POU2F1: variants seen among roughly 807,000 people sequenced by gnomAD.
POU2F1 encodes the protein POU domain, class 2, transcription factor 1.
In POU2F1, 16 loss-of-function variants were observed where a neutral mutation model predicts 84.9. The ratio of observed to expected loss-of-function variants is 0.19; its 90% CI spans 0.13 to 0.29. The LOEUF is 0.29. Among genes scored for constraint, POU2F1 ranks in the 10% least tolerant of loss-of-function variants. POU2F1 has a pLI of 1.00. For synonymous variants in POU2F1, 368 were observed against 368.3 expected (o/e 1.00, Z 0.01); for missense variants, 738 against 942.6 (o/e 0.78, Z 2.84).
intron 1 of POU2F1, among the ~76,000 whole-genome samples, chr1:167,323,652 A>C (rs1223199727): frequency 1.3e-5 from 2 of 152,142 alleles, no homozygotes. Flanking sequence ...TGTGCTCCCA[A>C]TACTGTTCAT....
intron 1 of POU2F1, chr1:167,257,696 A>G (rs565280168): frequency 6.6e-6 from 1 of 152,318 alleles, no homozygotes; most frequent in South Asian, 2.1e-4. Context: ...ATAATGGCCA[A>G]CATTTAATGA....
intron 2 of POU2F1, among the ~76,000 whole-genome samples, chr1:167,345,175 A>G (rs1309957508): frequency 6.6e-6 from 1 of 152,158 alleles, no homozygotes; most frequent in Admixed American, 6.5e-5. Context: ...AAAGTAAAAT[A>G]AATAAATAAG....
At chr1:167,328,362 G>A (rs1656846929) in intron 1 of POU2F1, among the ~76,000 whole-genome samples, 1 of 152,180 alleles carries the variant, frequency 6.6e-6, no homozygotes, top group South Asian at 2.1e-4. Flanking sequence ...TCGTTTTAAA[G>A]TGGGACTTTC....
intron 1 of POU2F1, among the ~76,000 whole-genome samples, chr1:167,287,019 T>C (rs1487865809): frequency 6.6e-6 from 1 of 152,218 alleles, no homozygotes; most frequent in Non-Finnish European, 1.5e-5. Flanking sequence ...TGTGTTGTAC[T>C]GGATCTTCTC....
rs751198759 is a variant in POU2F1, at chr1:167,417,204, C to CT, written c.*1396dup. 17 of 152,322 alleles carry CT rather than the reference C, an allele frequency of 1.1e-4. No homozygotes were observed. The highest frequency in any genetic ancestry group is 5.9e-4 in the Admixed American group (9 of 15,302). 9.4% of individuals were successfully genotyped at this position (152,322 alleles called of 1,614,324 possible). ...AAATTCCTCTAACCCTGAGATTCTT[C>CT]TTGGTTCTCTGACTAAAGGAGGCAC... On this transcript the variant is annotated 3_prime_UTR_variant, in exon 16 of 16. Transcript: ENST00000367866.
rs146897448 is a variant in POU2F1 at position 167,334,882 on chromosome 1, A to G, written c.127+2347A>G. 4.2e-3 allele frequency among the ~76,000 whole-genome samples: 635 copies of G among 152,376 alleles called. 11 individuals are homozygous for G. Among genetic ancestry groups the G allele is most frequent in the African/African-American group, 0.015 (614 of 41,590 alleles). On this transcript the variant is annotated intron_variant, in intron 2 of 15. Transcript: ENST00000367866. ...TTTAAGGGGAAGAACGCTTAACATT[A>G]TAGTAAAACTGAAGCCTCACAATTT...
intron 1 of POU2F1, among the ~76,000 whole-genome samples, chr1:167,322,782 G>C (rs1391483365): frequency 6.6e-6 from 1 of 152,220 alleles, no homozygotes; most frequent in Non-Finnish European, 1.5e-5. Flanking sequence ...CATAAGCATT[G>C]TTTTTATAGA....
At chr1:167,307,399 C>T (rs1235596416) in intron 1 of POU2F1, among the ~76,000 whole-genome samples, 2 of 149,668 alleles carry the variant, frequency 1.3e-5, no homozygotes, top group African/African-American at 2.5e-5. Context: ...GTGGTTTTAC[C>T]AGTGTTAATA....
At chr1:167,245,887 G>A (rs746096622) in intron 1 of POU2F1, among the ~76,000 whole-genome samples, 1 of 152,132 alleles carries the variant, frequency 6.6e-6, no homozygotes, top group Non-Finnish European at 1.5e-5. Flanking sequence ...AATTGTGATA[G>A]GATTTTATTG....
intron 1 of POU2F1, among the ~76,000 whole-genome samples, chr1:167,273,443 C>T (rs1034625158): frequency 1.3e-5 from 2 of 152,232 alleles, no homozygotes; most frequent in Non-Finnish European, 2.9e-5. Context: ...GCCTCTGCTC[C>T]TGCAGCAGAG....
chr1:167,398,251 AT>A, intron 11 of POU2F1, 118 bp downstream of exon 11: 1 of 1,225,426 alleles, frequency 8.2e-7, no homozygotes, highest in Non-Finnish European at 1.1e-6. Flanking sequence ...CTTATGGATG[AT>A]TATAAATAGG....
chr1:167,387,432 G>A (rs906212668), intron 8 of POU2F1, among the ~76,000 whole-genome samples: 1 of 152,186 alleles, frequency 6.6e-6, no homozygotes, highest in African/African-American at 2.4e-5. Context: ...AAATGGTCAG[G>A]TTGAAAATTA....
chr1:167,401,892 C>T (rs897356290), intron 13 of POU2F1, among the ~76,000 whole-genome samples: 8 of 152,168 alleles, frequency 5.3e-5, no homozygotes, highest in African/African-American at 1.9e-4. Context: ...TCCATCTTAG[C>T]CTGCAGTTCT....
intron 1 of POU2F1, among the ~76,000 whole-genome samples, chr1:167,296,166 G>T (rs1289158818): frequency 6.6e-6 from 1 of 152,014 alleles, no homozygotes; most frequent in African/African-American, 2.4e-5. Context: ...TTGCATTCAG[G>T]TAAAATGAGA....
At chr1:167,327,908 A>G (rs1427473311) in intron 1 of POU2F1, among the ~76,000 whole-genome samples, 1 of 152,216 alleles carries the variant, frequency 6.6e-6, no homozygotes, top group Non-Finnish European at 1.5e-5. Context: ...ATATAAGGAA[A>G]GAAAGGGGTA....
chr1:167,297,541 G>A (rs1654367085), intron 1 of POU2F1, among the ~76,000 whole-genome samples: 1 of 152,124 alleles, frequency 6.6e-6, no homozygotes, highest in Non-Finnish European at 1.5e-5. Context: ...TATCAGAAAG[G>A]TTCAGGAGCT....
chr1:167,238,493 T>C (rs1344755209), intron 1 of POU2F1, among the ~76,000 whole-genome samples: 2 of 152,274 alleles, frequency 1.3e-5, no homozygotes, highest in East Asian at 3.9e-4. Context: ...TGTAATGTAA[T>C]AAACAGTGCC....
intron 2 of POU2F1, among the ~76,000 whole-genome samples, chr1:167,353,446 C>G (rs1261780857): frequency 6.6e-6 from 1 of 151,982 alleles, no homozygotes; most frequent in African/African-American, 2.4e-5. Context: ...GGTTTCTGCC[C>G]TATCTTTCAA....
chr1:167,311,713 T>G (rs968339275), intron 1 of POU2F1, among the ~76,000 whole-genome samples: 2 of 152,040 alleles, frequency 1.3e-5, no homozygotes, highest in Non-Finnish European at 2.9e-5. Context: ...GAAAATATTT[T>G]TTGTGCAGCT....
Sources: gnomAD v4.1 joint callset for allele counts (sites outside exome capture counted in the v4.1 genomes callset) on GRCh38, gnomAD v4.1.1 for gene constraint, MANE v1.5 for transcripts, NCBI Gene and HGNC (gene_info 2026-07-23, HGNC 2026-07-21) for gene names.